Variants in HHLA2 observed in about 807,000 individuals in gnomAD.
The protein encoded by HHLA2 is HHLA2 member of B7 family.
In HHLA2, 48 loss-of-function variants were observed where a neutral mutation model predicts 45.9. The observed-to-expected ratio is 1.05, with a 90% CI of 0.83 to 1.33. HHLA2 has a LOEUF of 1.33. Ranked by LOEUF, HHLA2 falls within the 40% of genes most tolerant of loss-of-function variation. The pLI is 0.00. For synonymous variants in HHLA2, 161 were observed against 173.9 expected (o/e 0.93, Z 0.59); for missense variants, 462 against 494.3 (o/e 0.93, Z 0.62).
At chr3:108,304,292 A>G (rs1246512270) in intron 1 of HHLA2, among the ~76,000 whole-genome samples, 1 of 152,220 alleles carries the variant, frequency 6.6e-6, no homozygotes, top group East Asian at 1.9e-4. Flanking sequence ...GGTGGCTTAA[A>G]TTAAGAAAAA....
intron 2 of HHLA2, among the ~76,000 whole-genome samples, chr3:108,319,060 C>G (rs933762497): frequency 6.6e-6 from 1 of 152,176 alleles, no homozygotes; most frequent in African/African-American, 2.4e-5. Flanking sequence ...TGTTCCTTCT[C>G]TCTTCTCTCC....
intron 3 of HHLA2, among the ~76,000 whole-genome samples, chr3:108,349,680 G>A (rs1421851751): frequency 6.6e-6 from 1 of 152,208 alleles, no homozygotes; most frequent in Admixed American, 6.5e-5. Context: ...GGTGTGAGAT[G>A]CAGAGTACAG....
intron 1 of HHLA2, among the ~76,000 whole-genome samples, chr3:108,305,901 A>G (rs927071670): frequency 7.9e-5 from 12 of 152,338 alleles, no homozygotes; most frequent in African/African-American, 2.6e-4. Context: ...GTGGGCTCAC[A>G]TCTGCTGTGG....
chr3:108,358,175 A>G lies in HHLA2; in HGVS notation c.1003+14A>G. 1.3e-6 allele frequency: 2 copies of G among 1,574,338 alleles called. No homozygotes were observed. The highest frequency in any genetic ancestry group is 1.7e-6 in the Non-Finnish European group (2 of 1,155,964). The stretch of plus-strand genomic sequence containing the variant: ...CAGTGCATGTAGGTAAGTTGCAAGT[A>G]GGTTTGGATAATGGGTTTTGGCTGT... On this transcript the variant is annotated intron_variant, in intron 7 of 10. Coordinates refer to ENST00000619531, the Ensembl canonical transcript of HHLA2.
intron 2 of HHLA2, among the ~76,000 whole-genome samples, chr3:108,314,865 G>A (rs1021699017): frequency 1.2e-4 from 18 of 152,278 alleles, no homozygotes; most frequent in African/African-American, 4.3e-4. Context: ...TGCTCTCACT[G>A]CTTCCTGCTG....
rs577825572 is a variant in HHLA2 at position 108,371,304 on chromosome 3, C to G, written c.1109-4446C>G. ...GAGATTTTGTCACCACCAGGCCTGC[C>G]CTAAAAGAGCTCCTGAAGAAAGCAC... On this transcript the variant is annotated intron_variant, in intron 8 of 10. Transcript: ENST00000619531. Among the ~76,000 whole-genome samples the G allele has an allele frequency of 1.2e-3, 187 of 152,184 alleles. 2 individuals are homozygous for G. The highest frequency in any genetic ancestry group is 3.4e-3 in the Middle Eastern group (1 of 294).
At chr3:108,320,367 T>C (rs1205950537) in intron 2 of HHLA2, among the ~76,000 whole-genome samples, 1 of 152,232 alleles carries the variant, frequency 6.6e-6, no homozygotes, top group Non-Finnish European at 1.5e-5. Context: ...CCTTGAATCC[T>C]CCACCAAGGT....
At chr3:108,357,487 A>G (rs985131119) in intron 6 of HHLA2, among the ~76,000 whole-genome samples, 2 of 152,194 alleles carry the variant, frequency 1.3e-5, no homozygotes, top group Admixed American at 6.5e-5. Flanking sequence ...GGGGACCACC[A>G]GCATTAGAGG....
intron 2 of HHLA2, among the ~76,000 whole-genome samples, chr3:108,323,504 A>G (rs1308946801): frequency 4.6e-5 from 7 of 152,172 alleles, no homozygotes; most frequent in Non-Finnish European, 1.0e-4. Flanking sequence ...CATGTATTTA[A>G]GCTGCTGTCT....
chr3:108,356,179 G>C (rs1271220459), intron 6 of HHLA2, among the ~76,000 whole-genome samples: 2 of 151,900 alleles, frequency 1.3e-5, no homozygotes, highest in African/African-American at 4.8e-5. Context: ...ACAGGCACAT[G>C]CCACCACATG....
rs117278385 is a variant in HHLA2 at position 108,342,727 on chromosome 3, T to C, written c.-26-9061T>C. Among the ~76,000 whole-genome samples the C allele has an allele frequency of 1.8e-4, 27 of 152,338 alleles. No homozygotes were observed. In the East Asian group the frequency reaches 3.5e-3, roughly 20 times the overall value. ...CTTCCATGTGGACTGCTGGGTATTA[T>C]TATAATCGCATAGGATTTATGTTCT... is the stretch of plus-strand genomic sequence containing the variant. On this transcript the variant is annotated intron_variant, in intron 3 of 10. Coordinates refer to ENST00000619531, the Ensembl canonical transcript of HHLA2.
chr3:108,323,536 G>A (rs1190077396), intron 2 of HHLA2, among the ~76,000 whole-genome samples: 2 of 152,102 alleles, frequency 1.3e-5, no homozygotes, highest in Non-Finnish European at 2.9e-5. Context: ...TCCTGAGTGG[G>A]CTCATCTCTT....
At chr3:108,320,355 A>T (rs192246437) in intron 2 of HHLA2, among the ~76,000 whole-genome samples, 7 of 152,350 alleles carry the variant, frequency 4.6e-5, no homozygotes, top group Non-Finnish European at 8.8e-5. Context: ...AAAAAACCTA[A>T]CCCTTGAATC....
intron 2 of HHLA2, among the ~76,000 whole-genome samples, chr3:108,313,845 G>A (rs780530963): frequency 7.9e-5 from 12 of 152,174 alleles, no homozygotes; most frequent in South Asian, 2.1e-4. Context: ...ACTTACTAGC[G>A]TGGAAATCGA....
intron 2 of HHLA2, among the ~76,000 whole-genome samples, chr3:108,311,431 G>T (rs528791846): frequency 8.5e-5 from 13 of 152,256 alleles, no homozygotes; most frequent in African/African-American, 2.6e-4. Flanking sequence ...TATTTACCCA[G>T]ATATAAGAAG....
intron 3 of HHLA2, among the ~76,000 whole-genome samples, chr3:108,346,990 G>A (rs2081672666): frequency 6.6e-6 from 1 of 152,094 alleles, no homozygotes; most frequent in Admixed American, 6.6e-5. Context: ...GCCTCTCTCT[G>A]CCTTTCTCCC....
chr3:108,359,600 C>G (rs562541794), intron 7 of HHLA2, among the ~76,000 whole-genome samples: 2 of 152,314 alleles, frequency 1.3e-5, no homozygotes, highest in African/African-American at 4.8e-5. Flanking sequence ...TTGCTAAGTT[C>G]TGCTGCTGAA....
chr3:108,308,568 T>C (rs1028516492), intron 1 of HHLA2, among the ~76,000 whole-genome samples: 1 of 152,222 alleles, frequency 6.6e-6, no homozygotes, highest in Non-Finnish European at 1.5e-5. Context: ...GTTCAATTTT[T>C]AGTTTTTTAG....
At chr3:108,323,829 A>G (rs866286130) in intron 2 of HHLA2, among the ~76,000 whole-genome samples, 1 of 152,198 alleles carries the variant, frequency 6.6e-6, no homozygotes, top group South Asian at 2.1e-4. Flanking sequence ...AAGGGAACTG[A>G]AATGAAAATG....
Sources: allele counts gnomAD v4.1 joint callset (sites outside exome capture counted in the v4.1 genomes callset), GRCh38; gene constraint gnomAD v4.1.1; transcripts MANE v1.5; gene names NCBI Gene and HGNC (gene_info 2026-07-23, HGNC 2026-07-21).